The following POM121 variants were observed in gnomAD, a reference collection of about 807,000 sequenced individuals.
The protein encoded by POM121 is nuclear envelope pore membrane protein POM 121.
A neutral mutation model predicts 81.3 loss-of-function variants in POM121; 32 were observed. That is an observed-to-expected ratio of 0.39 (90% CI 0.30 to 0.53). The LOEUF (loss-of-function observed/expected upper bound fraction) is 0.53, where lower values mean the gene tolerates loss of function less well. POM121 is among the 20% of genes least tolerant of loss of function. The probability of loss-of-function intolerance (pLI) is 0.66; values close to 1 mark genes in which losing one functional copy is unlikely to be tolerated. For missense variants in POM121, 1,138 were observed against 1,614.6 expected (o/e 0.70, Z 5.06); for synonymous variants, 514 against 694.2 (o/e 0.74, Z 4.08).
chr7:72,949,804 A>G (rs3864364), downstream of POM121: 319 of 1,205,032 alleles, frequency 2.6e-4, 1 homozygote, highest in Non-Finnish European at 3.3e-4. Context: ...GAAAGGCACA[A>G]AATCAAACCC....
chr7:72,890,806 G>A, intron 2 of POM121: 1 of 1,545,088 alleles, frequency 6.5e-7, no homozygotes, highest in South Asian at 1.1e-5. Context: ...TTTTATGCTT[G>A]AGTTTGAAGA....
At chr7:72,936,780 G>GA (rs1156788004) in intron 5 of POM121, among the ~76,000 whole-genome samples, 2 of 151,992 alleles carry the variant, frequency 1.3e-5, no homozygotes, top group African/African-American at 4.8e-5. Flanking sequence ...ACATTGTGAA[G>GA]AAAAATGCAA....
intron 3 of POM121, among the ~76,000 whole-genome samples, chr7:72,893,160 G>A (rs1489884133): frequency 6.6e-6 from 1 of 151,982 alleles, no homozygotes; most frequent in East Asian, 2.0e-4. Context: ...GTTTCAGTCT[G>A]TTGGCCAGGA....
chr7:72,889,314 C>G (rs1554490508), intron 1 of POM121, among the ~76,000 whole-genome samples: 1 of 152,222 alleles, frequency 6.6e-6, no homozygotes, highest in Non-Finnish European at 1.5e-5. Context: ...TCTACATGGT[C>G]CTAGCTGTAT....
chr7:72,938,626 T>C lies in POM121; in HGVS notation c.1312T>C (p.Ser438Pro), dbSNP rs782238068. ...KRNGPSSSPF[S>P]SPASSRSQTP... ...AAATGGCCCCAGTTCATCACCCTTC[T>C]CTAGCCCAGCCTCCTCCCGCTCCCA... Residue 438 changes from serine (S) to proline (P), a missense_variant, in exon 6 of 13, where the codon TCT becomes CCT. This residue lies in a region of POM121 where 646 missense variants were observed against 633.5 expected (regional missense o/e 1.02). Coordinates refer to ENST00000434423, the MANE Select transcript of POM121 (RefSeq NM_001387691.1). 8.7e-6 allele frequency: 14 copies of C among 1,613,892 alleles called. No individual in the cohort carries two copies. The highest frequency in any genetic ancestry group is 9.3e-6 in the Non-Finnish European group (11 of 1,179,812).
At chr7:72,932,686 ACC>A (rs1796134661) in intron 5 of POM121, among the ~76,000 whole-genome samples, 4 of 152,154 alleles carry the variant, frequency 2.6e-5, no homozygotes. Context: ...TATGAGAGGG[ACC>A]ATTTCTCCAT....
chr7:72,892,591 C>T (rs1243942318), intron 3 of POM121, among the ~76,000 whole-genome samples: 1 of 152,208 alleles, frequency 6.6e-6, no homozygotes, highest in African/African-American at 2.4e-5. Flanking sequence ...CTGCATTTCA[C>T]TTGCCGAGAT....
At chr7:72,945,062 G>A (rs1372962009) in intron 11 of POM121, among the ~76,000 whole-genome samples, 5 of 151,886 alleles carry the variant, frequency 3.3e-5, no homozygotes, top group East Asian at 3.9e-4. Flanking sequence ...TGTCCGGGCC[G>A]GAGGCCAAGC....
rs536660234 is a variant in POM121 at position 72,910,837 on chromosome 7, G to A, written c.-215-2928G>A. ...GGGGCACTGGGATTTCCTGGTTGTA[G>A]ACTCTGCTCTAACAGATAAGACAGG... On this transcript the variant is annotated intron_variant, in intron 3 of 15. Coordinates refer to the POM121 transcript ENST00000395270. Among the ~76,000 whole-genome samples, 169 of 152,154 alleles carry A rather than the reference G, an allele frequency of 1.1e-3. 1 individual carries two copies. The highest frequency in any genetic ancestry group is 3.7e-3 in the African/African-American group (155 of 41,486).
rs189152682 is a variant in POM121, at chr7:72,893,853, T to G, written c.-216+2743T>G. ...CCCACTCCTTCGATGAAACTCAGTC[T>G]TCCATCTCTGCCTGGTGCTTCTGCC... On this transcript the variant is annotated intron_variant, in intron 3 of 15. Coordinates refer to the POM121 transcript ENST00000395270. Among the ~76,000 whole-genome samples, 102 of 152,266 alleles carry G rather than the reference T, an allele frequency of 6.7e-4. 1 individual carries two copies. Among genetic ancestry groups the G allele is most frequent in the Admixed American group, 5.1e-3 (78 of 15,286 alleles).
chr7:72,880,236 C>A lies in POM121; in HGVS notation c.-521+351C>A, dbSNP rs191197900. Among the ~76,000 whole-genome samples the A allele has an allele frequency of 4.1e-3, 631 of 152,272 alleles. 5 individuals carry two copies. The highest frequency in any genetic ancestry group is 0.014 in the African/African-American group (594 of 41,536). ...CTCACTTAAGTGTCTGCTGATCACC[C>A]CCTTATATCTGCCCTGGGAGAATCG... On this transcript the variant is annotated intron_variant, in intron 1 of 15. Coordinates refer to the POM121 transcript ENST00000395270.
chr7:72,946,546 C>A lies in POM121; in HGVS notation c.*312C>A. The A allele has an allele frequency of 9.1e-7, 1 of 1,104,310 alleles. No individual in the cohort carries two copies. The highest frequency in any genetic ancestry group is 5.8e-5 in the East Asian group (1 of 17,138). 68.4% of individuals were successfully genotyped at this position (1,104,310 alleles called of 1,614,324 possible). On this transcript the variant is annotated 3_prime_UTR_variant, in exon 13 of 13. Transcript: ENST00000434423. ...GCTGCCCTGACTCCCGCTTAGCACACCCTTAGGCAGGCGCCCCTTCCACCT... is the reference window on the plus strand; with the variant it reads ...GCTGCCCTGACTCCCGCTTAGCACAACCTTAGGCAGGCGCCCCTTCCACCT...
intron 5 of POM121, among the ~76,000 whole-genome samples, chr7:72,938,018 A>G (rs1796680016): frequency 6.6e-6 from 1 of 152,194 alleles, no homozygotes; most frequent in Non-Finnish European, 1.5e-5. Flanking sequence ...CTCTCCGTAG[A>G]CAGTCTGGCA....
chr7:72,926,731 T>C (rs1795486113), intron 2 of POM121, 71 bp from the exon 3 acceptor site: 2 of 1,564,054 alleles, frequency 1.3e-6, no homozygotes, highest in South Asian at 1.2e-5. Context: ...TGATTTCTTG[T>C]TTCTGAAGTC....
chr7:72,912,936 G>A lies in POM121; in HGVS notation c.-215-829G>A, dbSNP rs560702805. Among the ~76,000 whole-genome samples, 105 of 152,290 alleles carry A rather than the reference G, an allele frequency of 6.9e-4. No individual in the cohort carries two copies. The East Asian group carries it at 0.019, about 28-fold the overall frequency. ...CAGCCATGTCGAAATTGTGTCTGGAGAAGCACATGACGCAGACTCTCCCTG... is the reference window on the plus strand; with the variant it reads ...CAGCCATGTCGAAATTGTGTCTGGAAAAGCACATGACGCAGACTCTCCCTG... On this transcript the variant is annotated intron_variant, in intron 3 of 15. Coordinates refer to the POM121 transcript ENST00000395270.
At chr7:72,886,366 G>C (rs1375505755) in intron 1 of POM121, among the ~76,000 whole-genome samples, 1 of 151,950 alleles carries the variant, frequency 6.6e-6, no homozygotes, top group East Asian at 1.9e-4. Flanking sequence ...TAGAGACGAG[G>C]TTTCGCCATG....
At chr7:72,895,770 G>T (rs1161357866) in intron 3 of POM121, among the ~76,000 whole-genome samples, 2 of 151,822 alleles carry the variant, frequency 1.3e-5, no homozygotes, top group African/African-American at 4.9e-5. Flanking sequence ...TTAGCCAGGC[G>T]TGGTGGTGCA....
In POM121 at chr7:72,925,245, G is replaced by T. The variant is rs1299665004; in HGVS notation, c.124G>T (p.Val42Phe). 15 of 1,533,980 alleles carry T rather than the reference G, an allele frequency of 9.8e-6. No homozygotes were observed. The Admixed American group carries it at 2.2e-4, about 22-fold the overall frequency. Residue 42 changes from valine to phenylalanine, a missense_variant, in exon 1 of 13, where the codon GTT (valine) becomes TTT (phenylalanine). Val to Phe is a conservative substitution (Grantham distance 50, BLOSUM62 -1). Coordinates refer to ENST00000434423, the MANE Select transcript of POM121 (RefSeq NM_001387691.1). ...ARAVLLGLSL[V>F]GLLLYLVPAA... is the part of the protein sequence containing the mutation. ...GGCGGTGCTCCTGGGCCTGTCGCTG[G>T]TTGGCCTCTTACTGTACCTCGTGCC...
intron 3 of POM121, among the ~76,000 whole-genome samples, chr7:72,897,485 T>C (rs1197853772): frequency 6.6e-6 from 1 of 152,196 alleles, no homozygotes; most frequent in Non-Finnish European, 1.5e-5. Flanking sequence ...GTGAGGATCA[T>C]AAGGATTGTC....
Sources: gnomAD v4.1 joint callset for allele counts (sites outside exome capture counted in the v4.1 genomes callset) on GRCh38, gnomAD v4.1.1 for gene constraint, gnomAD v4.1.1 regional missense constraint, MANE v1.5 for transcripts, NCBI Gene and HGNC (gene_info 2026-07-23, HGNC 2026-07-21) for gene names.